The following TXNDC12 variants were observed in gnomAD, a reference collection of about 807,000 sequenced individuals.
The protein encoded by TXNDC12 is thioredoxin domain containing 12, also known as thioredoxin domain-containing protein 12.
In TXNDC12, 22 loss-of-function variants were observed where a neutral mutation model predicts 24.2. That is an observed-to-expected ratio of 0.91 (90% CI 0.65 to 1.30). The LOEUF is 1.30. TXNDC12 is among the 50% of genes most tolerant of loss of function. TXNDC12 has a pLI of 0.00. For missense variants in TXNDC12, 184 were observed against 205.8 expected (o/e 0.89, Z 0.65); for synonymous variants, 58 against 73.4 (o/e 0.79, Z 1.07).
intron 6 of TXNDC12, among the ~76,000 whole-genome samples, chr1:52,021,358 T>C (rs1457680742): frequency 6.6e-6 from 1 of 152,024 alleles, no homozygotes; most frequent in African/African-American, 2.4e-5. Flanking sequence ...AGACTGTAGA[T>C]GTTCACTTCA....
intron 1 of TXNDC12, among the ~76,000 whole-genome samples, chr1:52,042,444 C>T (rs1250351227): frequency 6.6e-6 from 1 of 151,586 alleles, no homozygotes; most frequent in East Asian, 1.9e-4. Flanking sequence ...CTTATATATA[C>T]ACCCTATACT....
chr1:52,035,523 A>G (rs1205799655), intron 2 of TXNDC12, among the ~76,000 whole-genome samples: 2 of 152,130 alleles, frequency 1.3e-5, no homozygotes, highest in Non-Finnish European at 2.9e-5. Flanking sequence ...TCTGGCCAAC[A>G]TGGTGAAACC....
At chr1:52,034,063 T>A (rs1455071812) in intron 2 of TXNDC12, 1 of 1,317,852 alleles carries the variant, frequency 7.6e-7, no homozygotes, top group East Asian at 2.8e-5. Context: ...TAAGGGGCAT[T>A]AAATATTGTA....
At chr1:52,041,746 G>T in intron 1 of TXNDC12, 149 bp from the exon 2 acceptor site, 1 of 540,308 alleles carries the variant, frequency 1.9e-6, no homozygotes, top group Non-Finnish European at 3.3e-6. Flanking sequence ...CACCTTCTAG[G>T]TGTATGGGAC....
intron 2 of TXNDC12, chr1:52,033,703 T>A (rs954623909): frequency 6.2e-7 from 1 of 1,611,024 alleles, no homozygotes; most frequent in African/African-American, 1.3e-5. Context: ...CACGCGCAAC[T>A]CTTCAGCACG....
intron 2 of TXNDC12, chr1:52,033,863 T>C (rs193146118): frequency 8.8e-5 from 127 of 1,445,990 alleles, no homozygotes; most frequent in Non-Finnish European, 7.0e-5. Flanking sequence ...CTGTCTCCCT[T>C]GACTTTTACA....
chr1:52,040,004 G>A (rs775136937), intron 2 of TXNDC12, among the ~76,000 whole-genome samples: 3 of 151,556 alleles, frequency 2.0e-5, no homozygotes, highest in Admixed American at 2.0e-4. Flanking sequence ...CAATCTCAGC[G>A]CACTGCAACC....
intron 2 of TXNDC12, chr1:52,032,711 G>A (rs377426971): frequency 7.5e-6 from 12 of 1,608,166 alleles, no homozygotes; most frequent in Non-Finnish European, 1.0e-5. Context: ...TGCAGGCTCT[G>A]GCTCAAATAC....
At chr1:52,037,114 A>G (rs1296016534) in intron 2 of TXNDC12, among the ~76,000 whole-genome samples, 2 of 151,882 alleles carry the variant, frequency 1.3e-5, no homozygotes, top group Non-Finnish European at 2.9e-5. Context: ...TCTGTTTTCT[A>G]GAGAGTACTG....
intron 2 of TXNDC12, chr1:52,033,283 G>C: frequency 6.2e-7 from 1 of 1,613,958 alleles, no homozygotes; most frequent in Non-Finnish European, 8.5e-7. Context: ...ATTTACTACA[G>C]AGTCCGCAGT....
At chr1:52,026,409 A>C (rs777135728) in intron 4 of TXNDC12, among the ~76,000 whole-genome samples, 2 of 152,196 alleles carry the variant, frequency 1.3e-5, no homozygotes, top group Non-Finnish European at 2.9e-5. Flanking sequence ...CCTGCAGCCT[A>C]TATGAGGTAT....
At chr1:52,047,468 T>C (rs956272723) in intron 1 of TXNDC12, among the ~76,000 whole-genome samples, 1 of 152,202 alleles carries the variant, frequency 6.6e-6, no homozygotes, top group Admixed American at 6.5e-5. Flanking sequence ...CTAAAGGACA[T>C]ATTTCAGGTA....
rs1241624949 is a variant in TXNDC12, at chr1:52,026,859, AACCCCATCTCTAT to A, written c.285+403_285+415del. Among the ~76,000 whole-genome samples, 12 of 152,204 alleles carry A rather than the reference AACCCCATCTCTAT, an allele frequency of 7.9e-5. No individual in the cohort carries two copies. The South Asian group carries it at 1.9e-3, about 24-fold the overall frequency. ...GAGACCAACCTGGCCAACATGGCAA[AACCCCATCTCTAT>A]TAAAAATATAAAAATTAGCCTGGTG... On this transcript the variant is annotated intron_variant, in intron 4 of 6. Coordinates refer to ENST00000371626, the MANE Select transcript of TXNDC12 (RefSeq NM_015913.4).
At chr1:52,050,860 A>T (rs976236734) in intron 1 of TXNDC12, 4 of 169,258 alleles carry the variant, frequency 2.4e-5, no homozygotes, top group African/African-American at 9.6e-5. Flanking sequence ...TGACAAAGTT[A>T]TCCATTTTTG....
intron 2 of TXNDC12, among the ~76,000 whole-genome samples, chr1:52,031,180 G>A (rs1368437018): frequency 7.1e-6 from 1 of 140,166 alleles, no homozygotes; most frequent in Non-Finnish European, 1.5e-5. Flanking sequence ...TTTTTTTTGA[G>A]ATGGAGTCTC....
At chr1:52,026,123 C>A (rs1685668837) in intron 4 of TXNDC12, among the ~76,000 whole-genome samples, 1 of 152,170 alleles carries the variant, frequency 6.6e-6, no homozygotes, top group Non-Finnish European at 1.5e-5. Flanking sequence ...GCCACCATGT[C>A]TGGCCCAAGT....
intron 6 of TXNDC12, among the ~76,000 whole-genome samples, chr1:52,021,730 A>G (rs1033279808): frequency 1.3e-5 from 2 of 152,196 alleles, no homozygotes; most frequent in Non-Finnish European, 2.9e-5. Context: ...AAGCACCCCT[A>G]TATAATGGCA....
chr1:52,026,735 T>G (rs1685676230), intron 4 of TXNDC12, among the ~76,000 whole-genome samples: 1 of 152,012 alleles, frequency 6.6e-6, no homozygotes, highest in Non-Finnish European at 1.5e-5. Flanking sequence ...CCCTCATATC[T>G]ACTAAAAATA....
At chr1:52,041,745 G>C (rs1379564768) in intron 1 of TXNDC12, 148 bp from the exon 2 acceptor site, 1 of 539,426 alleles carries the variant, frequency 1.9e-6, no homozygotes, top group Admixed American at 3.4e-5. Flanking sequence ...CCACCTTCTA[G>C]GTGTATGGGA....
Sources: allele counts gnomAD v4.1 joint callset (sites outside exome capture counted in the v4.1 genomes callset), GRCh38; gene constraint gnomAD v4.1.1; transcripts MANE v1.5; gene names NCBI Gene and HGNC (gene_info 2026-07-23, HGNC 2026-07-21).